Variants in GREB1 observed in about 807,000 individuals in gnomAD.
The protein encoded by GREB1 is growth regulating estrogen receptor binding 1, also known as protein GREB1.
In GREB1, 106 loss-of-function variants were observed where a neutral mutation model predicts 200.7. The ratio of observed to expected loss-of-function variants is 0.53; its 90% CI spans 0.45 to 0.62. The LOEUF (loss-of-function observed/expected upper bound fraction) is 0.62, where lower values mean the gene tolerates loss of function less well. GREB1 is among the 20% of genes least tolerant of loss of function. The pLI is 0.00. For missense variants in GREB1, 2,243 were observed against 2,556.8 expected, an observed-to-expected ratio of 0.88 and a Z score of 2.65; for synonymous variants, 1,132 against 1,092.4, an observed-to-expected ratio of 1.04 and a Z score of -0.72.
rs376108113 is a variant in GREB1, at chr2:11,625,194, C to T, written c.4188C>T (p.Ser1396=). 23 of 1,613,686 alleles carry T rather than the reference C, an allele frequency of 1.4e-5. No individual in the cohort carries two copies. The highest frequency in any genetic ancestry group is 2.2e-5 in the South Asian group (2 of 91,072). ...EESDWHYLQL[S]DPWPDLELFK... ...CTGACTGGCATTATCTCCAGCTTAGCGACCCCTGGCCAGACCTGGAGCTGT... is the reference window on the plus strand; with the variant it reads ...CTGACTGGCATTATCTCCAGCTTAGTGACCCCTGGCCAGACCTGGAGCTGT... Residue 1396 remains serine, a synonymous_variant, in exon 24 of 33, where the codon AGC becomes AGT. Transcript: ENST00000381486.
intron 9 of GREB1, chr2:11,588,013 G>T: frequency 1.2e-6 from 1 of 861,346 alleles, no homozygotes; most frequent in Admixed American, 5.9e-5. Context: ...ATCACTTTAG[G>T]TCAGAAGTTC....
chr2:11,590,375 C>T (rs758066534), intron 10 of GREB1, among the ~76,000 whole-genome samples: 18 of 152,180 alleles, frequency 1.2e-4, no homozygotes, highest in Non-Finnish European at 2.2e-4. Context: ...TCGCTCACTC[C>T]ACCCCTTCCC....
chr2:11,617,033 G>T lies in GREB1; in HGVS notation c.3412+313G>T, dbSNP rs1042320021. 2.0e-5 allele frequency among the ~76,000 whole-genome samples: 3 copies of T among 152,308 alleles called. No homozygotes were observed. In the South Asian group the frequency reaches 6.2e-4, roughly 32 times the overall value. ...CTGGCCGTGTTAGGGGCGGGTCCCC[G>T]GGTGTTCTCCCTGCCGTTGTTGGTT... On this transcript the variant is annotated intron_variant, in intron 21 of 32. Coordinates refer to ENST00000381486, the MANE Select transcript of GREB1 (RefSeq NM_014668.4).
Position 11,588,785 on chromosome 2 carries a change from ACGT to A in GREB1, c.1203_1205del (p.Val403del), listed in dbSNP as rs1680432670. ...CCTTACCTCTGTGGGAACCTGAATG[ACGT>A]CGTGGTCAGCCCCCTCTTGTACACG... On this transcript the variant is annotated inframe_deletion, in exon 10 of 33. Coordinates refer to ENST00000381486, the MANE Select transcript of GREB1 (RefSeq NM_014668.4). 3 of 1,613,990 alleles carry A rather than the reference ACGT, an allele frequency of 1.9e-6. No individual in the cohort carries two copies. The highest frequency in any genetic ancestry group is 2.5e-6 in the Non-Finnish European group (3 of 1,180,018).
At chr2:11,502,603 T>A (rs1673078518) in intron 1 of GREB1, among the ~76,000 whole-genome samples, 1 of 152,124 alleles carries the variant, frequency 6.6e-6, no homozygotes, top group Non-Finnish European at 1.5e-5. Context: ...TAGTTTATCT[T>A]TATTTGGATA....
intron 17 of GREB1, among the ~76,000 whole-genome samples, chr2:11,608,687 C>T (rs987812806): frequency 6.6e-6 from 1 of 152,204 alleles, no homozygotes; most frequent in African/African-American, 2.4e-5. Flanking sequence ...TTCATGACTC[C>T]GAGGTGTTCC....
chr2:11,498,958 G>T (rs1469898197), intron 1 of GREB1, among the ~76,000 whole-genome samples: 1 of 152,150 alleles, frequency 6.6e-6, no homozygotes, highest in Non-Finnish European at 1.5e-5. Flanking sequence ...TTGGAAGTGT[G>T]GGTTTTCATT....
chr2:11,593,761 GC>G (rs1281753007), intron 11 of GREB1, among the ~76,000 whole-genome samples: 3 of 152,022 alleles, frequency 2.0e-5, no homozygotes, highest in Non-Finnish European at 2.9e-5. Context: ...GAGCCACCGT[GC>G]CCGGCCAATT....
intron 1 of GREB1, chr2:11,517,271 G>C (rs896347422): frequency 2.6e-5 from 4 of 152,692 alleles, no homozygotes; most frequent in African/African-American, 4.8e-5. Flanking sequence ...CTGCCTGAAG[G>C]TGCTGATCCT....
chr2:11,525,085 C>T (rs937999948), intron 1 of GREB1, among the ~76,000 whole-genome samples: 1 of 152,158 alleles, frequency 6.6e-6, no homozygotes, highest in Non-Finnish European at 1.5e-5. Context: ...CAGACCTCTA[C>T]TGGGTTAAGC....
intron 1 of GREB1, among the ~76,000 whole-genome samples, chr2:11,513,913 T>A (rs1572572211): frequency 6.6e-6 from 1 of 152,174 alleles, no homozygotes; most frequent in Non-Finnish European, 1.5e-5. Context: ...CTGTGGCAGG[T>A]ACTGAGCTAG....
intron 2 of GREB1, among the ~76,000 whole-genome samples, chr2:11,559,258 G>A (rs1048530733): frequency 5.3e-5 from 8 of 152,178 alleles, no homozygotes; most frequent in Non-Finnish European, 8.8e-5. Context: ...TAGAGCTCTC[G>A]TCCTGCCAGG....
At chr2:11,522,300 T>C (rs755852116) in intron 1 of GREB1, among the ~76,000 whole-genome samples, 3 of 152,190 alleles carry the variant, frequency 2.0e-5, no homozygotes, top group Non-Finnish European at 4.4e-5. Context: ...ATCCTACTGC[T>C]CAATGTCATT....
At chr2:11,549,699 G>A (rs951965412) in intron 1 of GREB1, among the ~76,000 whole-genome samples, 6 of 151,938 alleles carry the variant, frequency 3.9e-5, no homozygotes, top group Non-Finnish European at 8.8e-5. Flanking sequence ...ATTCCTTCTC[G>A]TTTTCTCCAT....
intron 3 of GREB1, among the ~76,000 whole-genome samples, chr2:11,564,483 A>C (rs892483480): frequency 6.6e-6 from 1 of 152,228 alleles, no homozygotes; most frequent in African/African-American, 2.4e-5. Flanking sequence ...CTTTGAGGCC[A>C]GCCTGGGCAA....
chr2:11,529,560 G>A (rs1236177454), upstream of GREB1, among the ~76,000 whole-genome samples: 1 of 152,186 alleles, frequency 6.6e-6, no homozygotes, highest in East Asian at 1.9e-4. Context: ...GTAGCCCATA[G>A]TGTGAGCCCC....
intron 22 of GREB1, among the ~76,000 whole-genome samples, chr2:11,619,802 C>T (rs1368281758): frequency 6.6e-6 from 1 of 151,820 alleles, no homozygotes; most frequent in Non-Finnish European, 1.5e-5. Context: ...GATTTTTGTC[C>T]TTTGTCTATC....
At chr2:11,562,705 T>C in intron 3 of GREB1, 123 bp downstream of exon 3, 2 of 1,195,308 alleles carry the variant, frequency 1.7e-6, no homozygotes, top group South Asian at 1.6e-5. Flanking sequence ...CCTCTTTGCT[T>C]TCCCTGAGGT....
chr2:11,503,598 G>T (rs540071101), intron 1 of GREB1, among the ~76,000 whole-genome samples: 14 of 152,268 alleles, frequency 9.2e-5, no homozygotes, highest in African/African-American at 3.1e-4. Context: ...GCTCGCTAGC[G>T]TGGCCAGACT....
Sources: gnomAD v4.1 joint callset for allele counts (sites outside exome capture counted in the v4.1 genomes callset) on GRCh38, gnomAD v4.1.1 for gene constraint, MANE v1.5 for transcripts, NCBI Gene and HGNC (gene_info 2026-07-23, HGNC 2026-07-21) for gene names.